IL13RA1: variants seen among roughly 807,000 people sequenced by gnomAD.
IL13RA1 encodes the protein interleukin 13 receptor subunit alpha 1.
Under a neutral mutation model 33.8 loss-of-function variants are expected in IL13RA1, and 14 were observed. The ratio of observed to expected loss-of-function variants is 0.41; its 90% confidence interval spans 0.27 to 0.65. The LOEUF (loss-of-function observed/expected upper bound fraction) is 0.65. IL13RA1 is among the 30% of genes least tolerant of loss of function. The pLI is 0.28. For synonymous variants in IL13RA1, 116 were observed against 115.7 expected, an observed-to-expected ratio of 1.00 and a Z score of -0.02; for missense variants, 313 against 327.0, an observed-to-expected ratio of 0.96 and a Z score of 0.33.
At chrX:118,742,165 T>A (rs1452924257) in intron 2 of IL13RA1, among the ~76,000 whole-genome samples, 1 of 112,315 alleles carries the variant, frequency 8.9e-6, no homozygotes, top group African/African-American at 3.2e-5. Flanking sequence ...AATTTGCTAA[T>A]CTGCCTTCCT....
At chrX:118,747,257 G>A (rs948434424) in intron 3 of IL13RA1, among the ~76,000 whole-genome samples, 165 bp downstream of exon 3, 5 of 111,641 alleles carry the variant, frequency 4.5e-5, no homozygotes, top group African/African-American at 1.3e-4. Context: ...ATATGAGTAT[G>A]TCTCTGCCTT....
chrX:118,752,314 G>C (rs750587351), intron 4 of IL13RA1, among the ~76,000 whole-genome samples: 1 of 110,771 alleles, frequency 9.0e-6, no homozygotes, highest in African/African-American at 3.3e-5. Context: ...CCATTCGCCC[G>C]CAGCAAACTT....
chrX:118,767,498 G>T (rs1482158155), intron 8 of IL13RA1, among the ~76,000 whole-genome samples: 1 of 110,854 alleles, frequency 9.0e-6, no homozygotes, highest in African/African-American at 3.3e-5. Context: ...CTGAGATTGT[G>T]CCACTGCCCT....
chrX:118,732,448 C>T (rs2017232290), intron 1 of IL13RA1, among the ~76,000 whole-genome samples: 1 of 110,104 alleles, frequency 9.1e-6, no homozygotes, highest in South Asian at 3.8e-4. Flanking sequence ...GTACATTGCA[C>T]AACGTGCAGG....
the IL13RA1 span, among the ~76,000 whole-genome samples, chrX:118,804,343 C>T: frequency 9.2e-6 from 1 of 108,942 alleles, no homozygotes; most frequent in Admixed American, 1.0e-4. Flanking sequence ...GAAGTTCTCA[C>T]ACAACCAAGA....
chrX:118,764,839 C>G (rs926714613), intron 6 of IL13RA1, among the ~76,000 whole-genome samples: 7 of 111,849 alleles, frequency 6.3e-5, no homozygotes, highest in African/African-American at 2.3e-4. Flanking sequence ...ATACTCTCAA[C>G]AAGGGACACT....
intron 10 of IL13RA1, among the ~76,000 whole-genome samples, chrX:118,778,874 C>T (rs1215454737): frequency 9.0e-6 from 1 of 111,599 alleles, no homozygotes; most frequent in Non-Finnish European, 1.9e-5. Flanking sequence ...GAAATGGAGC[C>T]CCAATGAGGT....
At chrX:118,770,861 T>A (rs1048932422) in intron 8 of IL13RA1, 3 of 260,402 alleles carry the variant, frequency 1.2e-5, no homozygotes, top group Non-Finnish European at 2.2e-5. Flanking sequence ...GGAGGAGGGG[T>A]GATTCCAGCT....
At position 118,785,019 on chromosome X, in the gene IL13RA1, TC is replaced by T. The variant is rs752817015; in HGVS notation, c.1192-6742del. Among the ~76,000 whole-genome samples the T allele has an allele frequency of 3.8e-4, 42 of 111,273 alleles. No homozygotes were observed. The East Asian group carries it at 0.011, about 30-fold the overall frequency. On this transcript the variant is annotated intron_variant, in intron 10 of 10. Coordinates refer to ENST00000371666, the MANE Select transcript of IL13RA1 (RefSeq NM_001560.3). The stretch of plus-strand genomic sequence containing the variant: ...TGCTTTCTCAGTATGTAATTTTAGA[TC>T]TTTTTTTTTTTAATTTTAGTAAAAG...
At chrX:118,731,577 CAAAAA>C (rs371387309) in intron 1 of IL13RA1, among the ~76,000 whole-genome samples, 2 of 53,666 alleles carry the variant, frequency 3.7e-5, no homozygotes. Context: ...ACTCCGTCTC[CAAAAA>C]AAAAAAAAAA....
intron 4 of IL13RA1, among the ~76,000 whole-genome samples, chrX:118,752,538 A>G (rs929259123): frequency 1.5e-4 from 17 of 111,661 alleles, no homozygotes; most frequent in African/African-American, 4.9e-4. Context: ...AAGTCTAGAC[A>G]TGTGTCCCTT....
At chrX:118,757,992 G>T in intron 4 of IL13RA1, 63 bp from the exon 5 acceptor site, 3 of 755,749 alleles carry the variant, frequency 4.0e-6, no homozygotes, top group Non-Finnish European at 5.8e-6. Flanking sequence ...CGCCCAGCCT[G>T]CTCTTATTTC....
At chrX:118,765,158 C>T (rs1405010196) in intron 6 of IL13RA1, among the ~76,000 whole-genome samples, 3 of 111,060 alleles carry the variant, frequency 2.7e-5, no homozygotes, top group East Asian at 2.8e-4. Flanking sequence ...AGTGCAGTGG[C>T]GCAATCTCAG....
chrX:118,757,397 G>T (rs1441701132), intron 4 of IL13RA1, among the ~76,000 whole-genome samples: 2 of 108,334 alleles, frequency 1.8e-5, no homozygotes, highest in Non-Finnish European at 3.8e-5. Context: ...GGGCGTAGTA[G>T]TGTGTGCCTG....
At chrX:118,800,457 G>A in the IL13RA1 span, among the ~76,000 whole-genome samples, 3 of 110,618 alleles carry the variant, frequency 2.7e-5, no homozygotes, top group Non-Finnish European at 3.8e-5. Context: ...CTTAAGAGCT[G>A]TAACACACAC....
In IL13RA1 at chrX:118,751,565, A is replaced by G. The variant is rs192312658; in HGVS notation, c.488+1787A>G. Among the ~76,000 whole-genome samples the G allele has an allele frequency of 6.2e-4, 69 of 110,793 alleles. 2 individuals are homozygous for G. The East Asian group carries it at 0.017, about 28-fold the overall frequency. ...ATGGAGAGGGGACTGAGAGGCTTTG[A>G]TGAAGGAGGAAGACTGCCTAGATGG... On this transcript the variant is annotated intron_variant, in intron 4 of 10. Coordinates refer to ENST00000371666, the MANE Select transcript of IL13RA1 (RefSeq NM_001560.3).
intron 3 of IL13RA1, among the ~76,000 whole-genome samples, chrX:118,748,112 A>C (rs1234657893): frequency 9.8e-6 from 1 of 101,535 alleles, no homozygotes; most frequent in Non-Finnish European, 2.0e-5. Context: ...ATTATATGTA[A>C]TATATATAAT....
chrX:118,733,060 T>G (rs1275232982), intron 1 of IL13RA1, among the ~76,000 whole-genome samples: 1 of 112,418 alleles, frequency 8.9e-6, no homozygotes, highest in Non-Finnish European at 1.9e-5. Flanking sequence ...CAATGGACAC[T>G]TAGGTTGCTT....
Position 118,766,946 on chromosome X carries a change from T to C in IL13RA1, c.979T>C (p.Trp327Arg). 8.9e-7 allele frequency: 1 copy of C among 1,121,819 alleles called. No individual in the cohort carries two copies. Among genetic ancestry groups the C allele is most frequent in the Non-Finnish European group, 1.2e-6 (1 of 820,475 alleles). The allele number at this position is 1,121,819 out of a possible 1,213,427, so 92.5% of individuals were successfully genotyped here. The stretch of plus-strand genomic sequence containing the variant: ...GTTATGCTATGAGGATGACAAACTC[T>C]GGAGTAATTGGAGCCAAGAAATGAG... ...NKLCYEDDKL[W>R]SNWSQEMSIG... is the part of the protein sequence containing the mutation. The change falls in exon 8 of 11, where the codon TGG (tryptophan) becomes CGG (arginine). Residue 327 changes from tryptophan (W) to arginine (R), a missense_variant. By Grantham distance (101) the Trp-to-Arg change is moderately radical. Transcript: ENST00000371666.
Sources: gnomAD v4.1 joint callset for allele counts (sites outside exome capture counted in the v4.1 genomes callset) on GRCh38, gnomAD v4.1.1 for gene constraint, MANE v1.5 for transcripts, NCBI Gene and HGNC (gene_info 2026-07-23, HGNC 2026-07-21) for gene names.